The following CCDC126 variants were observed in gnomAD, a reference collection of about 807,000 sequenced individuals.
CCDC126 encodes coiled-coil domain containing 126.
Under a neutral mutation model 11.7 loss-of-function variants are expected in CCDC126, and 5 were observed. The ratio of observed to expected loss-of-function variants is 0.43; its 90% CI spans 0.22 to 0.90. CCDC126 has a LOEUF of 0.90. Ranked by LOEUF, CCDC126 falls within the 40% of genes least tolerant of loss-of-function variation. The probability of loss-of-function intolerance (pLI) is 0.27; values close to 1 mark genes in which losing one functional copy is unlikely to be tolerated. For synonymous variants in CCDC126, 60 were observed against 61.9 expected, an observed-to-expected ratio of 0.97 and a Z score of 0.14; for missense variants, 150 against 163.1, an observed-to-expected ratio of 0.92 and a Z score of 0.44.
chr7:23,639,560 G>A (rs1327523293), intron 3 of CCDC126, among the ~76,000 whole-genome samples: 1 of 152,158 alleles, frequency 6.6e-6, no homozygotes, highest in African/African-American at 2.4e-5. Flanking sequence ...TCTGAAAGAA[G>A]TATATATCAT....
rs1783404307 is a variant in CCDC126, at chr7:23,643,589, G to A, written c.*474G>A. 1 of 152,858 alleles carries A rather than the reference G, an allele frequency of 6.5e-6. No homozygotes were observed. The highest frequency in any genetic ancestry group is 6.5e-5 in the Admixed American group (1 of 15,274). The allele number at this position is 152,858 out of a possible 1,614,324, so 9.5% of individuals were successfully genotyped here. A position where few individuals can be genotyped will look rare whatever the true frequency, so the allele number is the denominator to read the frequency against. ...AAATGTGCTTATTGTACTATATTTT[G>A]TTATTCCAATTATGAGCAGAGAAAG... On this transcript the variant is annotated 3_prime_UTR_variant, in exon 4 of 4. Transcript: ENST00000307471.
intron 3 of CCDC126, among the ~76,000 whole-genome samples, chr7:23,636,748 C>T (rs1026986314): frequency 6.2e-5 from 9 of 145,500 alleles, no homozygotes; most frequent in African/African-American, 2.3e-4. Context: ...CGCCCGGCAG[C>T]CACCCCGTCC....
intron 3 of CCDC126, among the ~76,000 whole-genome samples, chr7:23,623,529 G>T (rs1307856874): frequency 6.6e-6 from 1 of 150,966 alleles, no homozygotes; most frequent in East Asian, 2.0e-4. Flanking sequence ...CCAGAAGGCA[G>T]AGGTTGTGGT....
chr7:23,630,028 A>G (rs990983211), intron 3 of CCDC126, among the ~76,000 whole-genome samples: 1 of 152,264 alleles, frequency 6.6e-6, no homozygotes, highest in Admixed American at 6.5e-5. Context: ...CCAAGACAAC[A>G]TAATAATTAA....
chr7:23,605,958 C>T (rs1357689203), intron 2 of CCDC126, among the ~76,000 whole-genome samples: 5 of 151,882 alleles, frequency 3.3e-5, no homozygotes, highest in Non-Finnish European at 5.9e-5. Context: ...GATTTGTTCA[C>T]ATCCTTGCCA....
chr7:23,644,216 A>C lies in CCDC126; in HGVS notation c.*1101A>C, dbSNP rs1240532284. ...TTAAAATAAGAACATTTAAAATATA[A>C]ACTATGAAGATTGACTATCTTTTCA... On this transcript the variant is annotated 3_prime_UTR_variant, in exon 4 of 4. Transcript: ENST00000307471. 1 of 152,328 alleles carries C rather than the reference A, an allele frequency of 6.6e-6. No individual in the cohort carries two copies. Among genetic ancestry groups the C allele is most frequent in the Non-Finnish European group, 1.5e-5 (1 of 67,928 alleles). 9.4% of individuals were successfully genotyped at this position (152,328 alleles called of 1,614,324 possible).
At chr7:23,609,648 G>C (rs1012274450) in intron 2 of CCDC126, among the ~76,000 whole-genome samples, 2 of 152,156 alleles carry the variant, frequency 1.3e-5, no homozygotes, top group Admixed American at 1.3e-4. Context: ...CAGGTGGATA[G>C]CTTGAGTTCA....
intron 3 of CCDC126, chr7:23,622,515 T>C: frequency 2.1e-6 from 1 of 486,166 alleles, no homozygotes; most frequent in Non-Finnish European, 4.1e-6. Flanking sequence ...CTGGATTTAG[T>C]GCAGTCAACG....
At chr7:23,608,284 T>A (rs1204984704) in intron 2 of CCDC126, among the ~76,000 whole-genome samples, 1 of 152,116 alleles carries the variant, frequency 6.6e-6, no homozygotes, top group Non-Finnish European at 1.5e-5. Context: ...GGTTGTTTCG[T>A]TGGAACTGCA....
At chr7:23,615,407 A>G (rs1050025358) in intron 3 of CCDC126, among the ~76,000 whole-genome samples, 5 of 152,164 alleles carry the variant, frequency 3.3e-5, no homozygotes, top group Non-Finnish European at 7.3e-5. Flanking sequence ...TTTTATCCAG[A>G]CCACTCAAAC....
intron 3 of CCDC126, among the ~76,000 whole-genome samples, chr7:23,622,142 T>G (rs1157877433): frequency 6.6e-6 from 1 of 152,212 alleles, no homozygotes; most frequent in Non-Finnish European, 1.5e-5. Context: ...ATTGGAATAG[T>G]TTCAGAAGGA....
intron 3 of CCDC126, among the ~76,000 whole-genome samples, chr7:23,637,430 T>G (rs1205810077): frequency 2.6e-5 from 1 of 38,068 alleles, no homozygotes; most frequent in African/African-American, 1.1e-4. Context: ...GGGAGGGAGG[T>G]GGGGGGGTCA....
At chr7:23,615,516 T>C (rs1465736467) in intron 3 of CCDC126, among the ~76,000 whole-genome samples, 1 of 152,250 alleles carries the variant, frequency 6.6e-6, no homozygotes, top group African/African-American at 2.4e-5. Flanking sequence ...TCCTTTGCAG[T>C]CACAACTTGG....
At chr7:23,633,881 G>T (rs1783158234) in intron 3 of CCDC126, among the ~76,000 whole-genome samples, 1 of 152,088 alleles carries the variant, frequency 6.6e-6, no homozygotes, top group African/African-American at 2.4e-5. Flanking sequence ...AAAAAGAAAA[G>T]AAGTGATTTC....
At chr7:23,606,583 T>C (rs1415236352) in intron 2 of CCDC126, among the ~76,000 whole-genome samples, 1 of 152,158 alleles carries the variant, frequency 6.6e-6, no homozygotes, top group East Asian at 1.9e-4. Context: ...CTGTTGCCCT[T>C]CTTCAGGTCT....
At position 23,611,185 on chromosome 7, in the gene CCDC126, A is replaced by T; in HGVS notation, c.-131A>T. ...TAATTTTACAGAGTTAATAGAGTGG[A>T]TACAACCTTGCTGAAGATGAAGAAT... On this transcript the variant is annotated 5_prime_UTR_variant, in exon 3 of 4. Coordinates refer to ENST00000307471, the MANE Select transcript of CCDC126 (RefSeq NM_138771.4). 1 of 652,446 alleles carries T rather than the reference A, an allele frequency of 1.5e-6. No homozygotes were observed. The highest frequency in any genetic ancestry group is 1.9e-5 in the South Asian group (1 of 53,966). 40.4% of individuals were successfully genotyped at this position (652,446 alleles called of 1,614,324 possible).
chr7:23,627,438 G>A (rs1312331118), intron 3 of CCDC126, among the ~76,000 whole-genome samples: 1 of 151,880 alleles, frequency 6.6e-6, no homozygotes, highest in Non-Finnish European at 1.5e-5. Flanking sequence ...TAGGCAGCAG[G>A]CACCCGTAGT....
intron 3 of CCDC126, among the ~76,000 whole-genome samples, chr7:23,639,274 T>C (rs1783310225): frequency 6.6e-6 from 1 of 151,032 alleles, no homozygotes; most frequent in Admixed American, 6.6e-5. Flanking sequence ...TCACTGCAAC[T>C]TCTACCTCCC....
rs79197108 is a variant in CCDC126, at chr7:23,601,386, A to C, written c.-146+3335A>C. Among the ~76,000 whole-genome samples the C allele has an allele frequency of 2.8e-4, 42 of 152,366 alleles. No homozygotes were observed. In the East Asian group the frequency reaches 5.4e-3, roughly 20 times the overall value. ...GGCAACAGAGCCAGACCTTATCTCA[A>C]ACAGCAACAACTGTGTATGCATGCA... is the stretch of plus-strand genomic sequence containing the variant. On this transcript the variant is annotated intron_variant, in intron 2 of 3. Transcript: ENST00000307471.
Sources: allele counts gnomAD v4.1 joint callset (sites outside exome capture counted in the v4.1 genomes callset), GRCh38; gene constraint gnomAD v4.1.1; transcripts MANE v1.5; gene names NCBI Gene and HGNC (gene_info 2026-07-23, HGNC 2026-07-21).